ZNF568: variants seen among roughly 807,000 people sequenced by gnomAD.
The protein encoded by ZNF568 is p53 inhibitor of SCO2 activation.
ZNF568 carries 11 observed loss-of-function variants against 18.1 expected under a neutral mutation model. The observed-to-expected ratio is 0.61, with a 90% CI of 0.38 to 1.00. The LOEUF (loss-of-function observed/expected upper bound fraction) is 1.00, where lower values mean the gene tolerates loss of function less well. ZNF568 is among the 50% of genes least tolerant of loss of function. The pLI is 0.01. For synonymous variants in ZNF568, 213 were observed against 246.6 expected (o/e 0.86, Z 1.28); for missense variants, 639 against 768.2 (o/e 0.83, Z 1.99).
At position 36,927,872 on chromosome 19, in the gene ZNF568, A is replaced by G. The variant is rs542125556; in HGVS notation, c.135+2614A>G. Reference sequence around the variant, plus strand: ...TGTGTGTGTGTGTGTATATATATATATATATATATATATATTATATATATA... The same window carrying G: ...TGTGTGTGTGTGTGTATATATATATGTATATATATATATATTATATATATA... On this transcript the variant is annotated intron_variant, in intron 4 of 6. Coordinates refer to ENST00000333987, the MANE Select transcript of ZNF568 (RefSeq NM_198539.4). 8.2e-4 allele frequency among the ~76,000 whole-genome samples: 45 copies of G among 54,754 alleles called. No homozygotes were observed. In the East Asian group the frequency reaches 8.7e-3, roughly 11 times the overall value. 35.9% of individuals were successfully genotyped at this position (54,754 alleles called of 152,430 possible). A position where few individuals can be genotyped will look rare whatever the true frequency, so the allele number is the denominator to read the frequency against.
rs1644679 is a variant in ZNF568, at chr19:36,991,166, T to G, written c.10-10T>G. 800,997 of 1,521,440 alleles carry G rather than the reference T, an allele frequency of 0.53. 213,508 individuals carry two copies. Among genetic ancestry groups the G allele is most frequent in the African/African-American group, 0.62 (44,681 of 72,296 alleles). The allele number at this position is 1,521,440 out of a possible 1,614,324, so 94.2% of individuals were successfully genotyped here. ...AATTTCACAAATGGTGTATTTATTTTTGGTTTCAGGGCTTGAAGTTCAAAG... is the reference window on the plus strand; with the variant it reads ...AATTTCACAAATGGTGTATTTATTTGTGGTTTCAGGGCTTGAAGTTCAAAG... On this transcript the variant is annotated splice_polypyrimidine_tract_variant and intron_variant, in intron 2 of 4. Transcript: ENST00000433993.
chr19:36,991,012 G>C (rs945511885), intron 2 of ZNF568: 25 of 672,076 alleles, frequency 3.7e-5, no homozygotes, highest in Non-Finnish European at 5.0e-5. Context: ...ACTTCACTCT[G>C]ATCACCCCTG....
At chr19:36,929,541 C>T (rs368968291) in intron 4 of ZNF568, among the ~76,000 whole-genome samples, 16 of 152,056 alleles carry the variant, frequency 1.1e-4, no homozygotes, top group African/African-American at 3.9e-4. Context: ...AAAAATTAGC[C>T]GGGTGTGGTC....
intron 6 of ZNF568, among the ~76,000 whole-genome samples, chr19:36,945,019 T>C (rs899259864): frequency 3.9e-5 from 6 of 152,236 alleles, no homozygotes; most frequent in Non-Finnish European, 7.4e-5. Context: ...TTGGCTTTTT[T>C]CTTTTTTGAT....
intron 6 of ZNF568, among the ~76,000 whole-genome samples, chr19:36,969,811 T>C (rs1166790293): frequency 4.3e-5 from 4 of 93,656 alleles, no homozygotes; most frequent in Non-Finnish European, 8.5e-5. Context: ...TTTTTTTTTT[T>C]TGAGATCAAG....
downstream of ZNF568, among the ~76,000 whole-genome samples, chr19:36,955,298 T>G (rs529468): frequency 0.36 from 54,260 of 151,448 alleles, 9,997 homozygotes; most frequent in African/African-American, 0.41. Context: ...ATGCCTTAAA[T>G]CCTCTGCCCC....
Position 36,950,131 on chromosome 19 carries a change from A to G in ZNF568, c.978A>G (p.Arg326=), listed in dbSNP as rs369808738. 1.7e-5 allele frequency: 27 copies of G among 1,614,004 alleles called. No homozygotes were observed. The African/African-American group carries it at 3.5e-4, about 21-fold the overall frequency. ...AATCAAATCTCATTGAACATGAGCG[A>G]ATTCACACTGGAGAGAAACCCTATG... ...SQKSNLIEHE[R]IHTGEKPYEC... Residue 326 remains arginine, a synonymous_variant, in exon 7 of 7, where the codon CGA becomes CGG. Transcript: ENST00000333987.
intron 4 of ZNF568, among the ~76,000 whole-genome samples, chr19:36,926,326 A>G (rs1266606062): frequency 6.6e-6 from 1 of 152,110 alleles, no homozygotes; most frequent in African/African-American, 2.4e-5. Flanking sequence ...TCTTCAGCTT[A>G]TGTCTTTCAC....
chr19:36,996,506 A>C, exon 5 of ZNF568: 1 of 1,536,376 alleles, frequency 6.5e-7, no homozygotes. Flanking sequence ...TGCACAGCCC[A>C]TAGAGAATAT....
At chr19:36,974,996 T>G (rs1265421882) in intron 7 of ZNF568, among the ~76,000 whole-genome samples, 1 of 149,330 alleles carries the variant, frequency 6.7e-6, no homozygotes, top group South Asian at 2.1e-4. Context: ...CCAGCTAATT[T>G]TTGTATTTTT....
chr19:36,925,171 G>A (rs1236146613), intron 3 of ZNF568, 29 bp from the exon 4 acceptor site: 1 of 1,610,590 alleles, frequency 6.2e-7, no homozygotes, highest in East Asian at 2.2e-5. Context: ...AAACTTTGAA[G>A]CAAATCTGTT....
In ZNF568 at chr19:36,951,376, TTGC is replaced by T. The variant is rs1423276629; in HGVS notation, c.*292_*294del. The T allele has an allele frequency of 1.3e-5, 3 of 229,808 alleles. No homozygotes were observed. The highest frequency in any genetic ancestry group is 5.4e-5 in the Admixed American group (1 of 18,588). The allele number at this position is 229,808 out of a possible 1,614,324, so 14.2% of individuals were successfully genotyped here. ...TTCATGTGAAATAGAAGTGTATGAA[TTGC>T]TGCGACAATTTTGAAAAGAATAGAG... is the stretch of plus-strand genomic sequence containing the variant. On this transcript the variant is annotated 3_prime_UTR_variant, in exon 7 of 7. Transcript: ENST00000333987.
Position 36,922,786 on chromosome 19 carries a change from T to C in ZNF568, c.16T>C (p.Ser6Pro). The C allele has an allele frequency of 6.2e-7, 1 of 1,614,048 alleles. No homozygotes were observed. Among genetic ancestry groups the C allele is most frequent in the Non-Finnish European group, 8.5e-7 (1 of 1,179,974 alleles). The stretch of plus-strand genomic sequence containing the variant: ...CAGGGTCTGAATGACATCTCAATCT[T>C]CAGTGATCAGCAATAGCTGTGTGAC... MTSQS[S>P]VISNSCVTME... Residue 6 changes from serine (S) to proline (P), a missense_variant, in exon 3 of 7, where the codon TCA becomes CCA. By Grantham distance (74) the Ser-to-Pro change is moderately conservative (BLOSUM62 -1). Transcript: ENST00000333987.
At chr19:36,946,945 CTG>C (rs2065422625) in intron 6 of ZNF568, among the ~76,000 whole-genome samples, 1 of 151,824 alleles carries the variant, frequency 6.6e-6, no homozygotes, top group South Asian at 2.1e-4. Context: ...TGCACCCTGC[CTG>C]TGTTTTTTTT....
At chr19:36,964,004 G>GAGGGAGGGAGGGAGGAAGGA (rs2074174844) in intron 6 of ZNF568, among the ~76,000 whole-genome samples, 1 of 134,558 alleles carries the variant, frequency 7.4e-6, no homozygotes, top group Non-Finnish European at 1.6e-5. Flanking sequence ...GGGACGGAGG[G>GAGGGAGGGAGGGAGGAAGGA]AGGGAGGGAG....
chr19:36,918,790 G>GT (rs1197194858), intron 2 of ZNF568, among the ~76,000 whole-genome samples: 1 of 152,080 alleles, frequency 6.6e-6, no homozygotes, highest in African/African-American at 2.4e-5. Context: ...CAATAACTCT[G>GT]TACCCCCCTT....
downstream of ZNF568, among the ~76,000 whole-genome samples, chr19:36,956,420 A>T (rs2146318990): frequency 6.6e-6 from 1 of 152,260 alleles, no homozygotes; most frequent in Middle Eastern, 3.4e-3. Context: ...CAACTGCATC[A>T]GTTTAATTTC....
downstream of ZNF568, among the ~76,000 whole-genome samples, chr19:36,984,808 CT>C (rs974387960): frequency 3.4e-3 from 507 of 149,356 alleles, 3 homozygotes; most frequent in African/African-American, 0.012. Flanking sequence ...GTCAATCAGA[CT>C]TTTTTTTTTC....
chr19:36,951,008 T>C lies in ZNF568; in HGVS notation c.1855T>C (p.Cys619Arg). The C allele has an allele frequency of 6.2e-7, 1 of 1,613,014 alleles. No individual in the cohort carries two copies. Among genetic ancestry groups the C allele is most frequent in the Non-Finnish European group, 8.5e-7 (1 of 1,179,574 alleles). Residue 619 changes from cysteine to arginine, a missense_variant, in exon 7 of 7, where the codon TGT becomes CGT. Coordinates refer to ENST00000333987, the MANE Select transcript of ZNF568 (RefSeq NM_198539.4). ...TGEKPFECNECGKAFSQRASL... is the reference protein window; with the variant it reads ...TGEKPFECNERGKAFSQRASL... Reference sequence around the variant, plus strand: ...TGAGAAACCCTTTGAATGTAATGAATGTGGGAAAGCATTCTCTCAAAGAGC... The same window carrying C: ...TGAGAAACCCTTTGAATGTAATGAACGTGGGAAAGCATTCTCTCAAAGAGC...
Sources: allele counts gnomAD v4.1 joint callset (sites outside exome capture counted in the v4.1 genomes callset), GRCh38; gene constraint gnomAD v4.1.1; transcripts MANE v1.5; gene names NCBI Gene and HGNC (gene_info 2026-07-23, HGNC 2026-07-21).